FBXW11: variants seen among roughly 807,000 people sequenced by gnomAD.
FBXW11 encodes F-box/WD repeat-containing protein 11.
In FBXW11, 19 loss-of-function variants were observed where a neutral mutation model predicts 77.6. That is an observed-to-expected ratio of 0.24 (90% CI 0.17 to 0.36). FBXW11 has a LOEUF of 0.36. FBXW11 is among the 10% of genes least tolerant of loss of function. FBXW11 has a pLI of 1.00. For synonymous variants in FBXW11, 235 were observed against 249.4 expected, an observed-to-expected ratio of 0.94 and a Z score of 0.54; for missense variants, 334 against 704.2, an observed-to-expected ratio of 0.47 and a Z score of 5.95.
At position 171,908,273 on chromosome 5, in the gene FBXW11, C is replaced by T. The variant is rs181157649; in HGVS notation, c.436+2299G>A. Among the ~76,000 whole-genome samples the T allele has an allele frequency of 6.6e-5, 10 of 152,292 alleles. 1 individual carries two copies. ...ATCAAAAGCATGTCTCCATCTCCCCCTCCCTGGATCCCTCCCTCATAATTA... is the reference window on the plus strand; with the variant it reads ...ATCAAAAGCATGTCTCCATCTCCCCTTCCCTGGATCCCTCCCTCATAATTA... On this transcript the variant is annotated intron_variant, in intron 4 of 13. Coordinates refer to ENST00000517395, the MANE Select transcript of FBXW11 (RefSeq NM_001378974.1).
chr5:171,992,031 C>CT (rs1765765816), intron 1 of FBXW11, among the ~76,000 whole-genome samples: 1 of 151,530 alleles, frequency 6.6e-6, no homozygotes, highest in Non-Finnish European at 1.5e-5. Context: ...GGGAGAATCA[C>CT]TTGAACCCAG....
chr5:171,870,711 A>G (rs929013511), intron 11 of FBXW11, 37 bp downstream of exon 11: 1 of 1,418,244 alleles, frequency 7.1e-7, no homozygotes, highest in Non-Finnish European at 1.0e-6. Flanking sequence ...TTCTTGATAC[A>G]GTTATAGCAG....
chr5:171,980,222 A>G (rs1193879520), intron 1 of FBXW11, among the ~76,000 whole-genome samples: 1 of 152,230 alleles, frequency 6.6e-6, no homozygotes, highest in African/African-American at 2.4e-5. Context: ...AAGAGAAGTT[A>G]CTATTTATTC....
chr5:171,905,339 C>A (rs1278783990), intron 4 of FBXW11, among the ~76,000 whole-genome samples: 31 of 152,150 alleles, frequency 2.0e-4, no homozygotes, highest in Admixed American at 2.0e-3. Flanking sequence ...TTCACAATAA[C>A]CTTCTGAGAT....
At chr5:171,924,049 C>T (rs959435228) in intron 2 of FBXW11, among the ~76,000 whole-genome samples, 2 of 148,876 alleles carry the variant, frequency 1.3e-5, no homozygotes, top group South Asian at 2.2e-4. Context: ...CTCAGCCTCC[C>T]GAGTAGCTGG....
intron 1 of FBXW11, among the ~76,000 whole-genome samples, chr5:171,988,925 C>T (rs935304158): frequency 6.6e-6 from 1 of 150,618 alleles, no homozygotes; most frequent in Non-Finnish European, 1.5e-5. Context: ...GCCTGTAATC[C>T]CAGCACTTTG....
chr5:171,969,434 T>C (rs1457935789), intron 1 of FBXW11, among the ~76,000 whole-genome samples: 1 of 152,242 alleles, frequency 6.6e-6, no homozygotes, highest in African/African-American at 2.4e-5. Context: ...GACTACATCA[T>C]ATTTCTATTT....
intron 1 of FBXW11, among the ~76,000 whole-genome samples, chr5:171,994,622 T>C (rs973246074): frequency 1.3e-5 from 2 of 152,190 alleles, no homozygotes; most frequent in Non-Finnish European, 2.9e-5. Flanking sequence ...AAAAAGTTTA[T>C]ATGTATAAAA....
intron 1 of FBXW11, among the ~76,000 whole-genome samples, chr5:171,970,356 G>A (rs1764455547): frequency 1.3e-5 from 2 of 152,156 alleles, no homozygotes; most frequent in Non-Finnish European, 2.9e-5. Flanking sequence ...TGTAAGACAT[G>A]CCTGCTTCCC....
chr5:171,909,676 T>C (rs1000990347), intron 4 of FBXW11, among the ~76,000 whole-genome samples: 3 of 151,938 alleles, frequency 2.0e-5, no homozygotes, highest in Admixed American at 1.3e-4. Flanking sequence ...TCAAAGTAAA[T>C]TTAACCAGAT....
At chr5:171,994,410 C>T (rs1765913843) in intron 1 of FBXW11, among the ~76,000 whole-genome samples, 1 of 152,124 alleles carries the variant, frequency 6.6e-6, no homozygotes, top group South Asian at 2.1e-4. Context: ...ATCCAAAGTG[C>T]TCCAAAATCC....
intron 1 of FBXW11, among the ~76,000 whole-genome samples, chr5:171,983,493 G>A (rs546815281): frequency 3.7e-4 from 57 of 152,188 alleles, no homozygotes; most frequent in African/African-American, 1.4e-3. Flanking sequence ...CTGGTATGTG[G>A]GGTAGGGGGG....
rs79503877 is a variant in FBXW11 at position 171,924,482 on chromosome 5, C to T, written c.148-10077G>A. Among the ~76,000 whole-genome samples, 496 of 152,276 alleles carry T rather than the reference C, an allele frequency of 3.3e-3. 3 individuals are homozygous for T. The highest frequency in any genetic ancestry group is 4.2e-3 in the Non-Finnish European group (289 of 68,022). ...CTATGCCCATTTTGAGTGCCCTCTCCGCTGAGAACTGTTTTGTCGCTCAAT... is the reference window on the plus strand; with the variant it reads ...CTATGCCCATTTTGAGTGCCCTCTCTGCTGAGAACTGTTTTGTCGCTCAAT... On this transcript the variant is annotated intron_variant, in intron 2 of 13. Coordinates refer to ENST00000517395, the MANE Select transcript of FBXW11 (RefSeq NM_001378974.1).
intron 2 of FBXW11, among the ~76,000 whole-genome samples, chr5:171,952,437 A>T (rs1422446022): frequency 3.5e-4 from 4 of 11,418 alleles, no homozygotes; most frequent in South Asian, 0.014. Flanking sequence ...ATATATATAT[A>T]TATATATATA....
At chr5:171,938,386 A>G (rs536016163) in intron 2 of FBXW11, among the ~76,000 whole-genome samples, 5 of 152,368 alleles carry the variant, frequency 3.3e-5, no homozygotes, top group African/African-American at 1.2e-4. Flanking sequence ...CAAAAAACAT[A>G]ACATGACCCT....
intron 2 of FBXW11, among the ~76,000 whole-genome samples, chr5:171,915,821 A>G (rs945608440): frequency 8.5e-5 from 13 of 152,154 alleles, no homozygotes; most frequent in Admixed American, 3.3e-4. Context: ...TCACAACAGC[A>G]AAGACTTGGA....
intron 9 of FBXW11, among the ~76,000 whole-genome samples, chr5:171,874,908 T>C (rs1191692644): frequency 6.6e-6 from 1 of 151,960 alleles, no homozygotes; most frequent in African/African-American, 2.4e-5. Context: ...ACTGTGTTAC[T>C]GCACTCCAGC....
Position 171,980,695 on chromosome 5 carries a change from G to A in FBXW11, c.46-22997C>T, listed in dbSNP as rs114436898. ...GACAATGCCAATTGCTGACTAGGAT[G>A]TAGAGCAACTAAACTCATATTGCCA... On this transcript the variant is annotated intron_variant, in intron 1 of 13. Transcript: ENST00000517395. Among the ~76,000 whole-genome samples, 923 of 152,290 alleles carry A rather than the reference G, an allele frequency of 6.1e-3. 4 individuals are homozygous for A. Among genetic ancestry groups the A allele is most frequent in the African/African-American group, 0.019 (803 of 41,554 alleles).
At chr5:171,924,609 G>A (rs1229982636) in intron 2 of FBXW11, among the ~76,000 whole-genome samples, 2 of 152,130 alleles carry the variant, frequency 1.3e-5, no homozygotes, top group African/African-American at 4.8e-5. Context: ...TAGGTAAAAC[G>A]CTGTAATACT....
Sources: allele counts gnomAD v4.1 joint callset (sites outside exome capture counted in the v4.1 genomes callset), GRCh38; gene constraint gnomAD v4.1.1; transcripts MANE v1.5; gene names NCBI Gene and HGNC (gene_info 2026-07-23, HGNC 2026-07-21).